The following ITIH2 variants were observed in gnomAD, a reference collection of about 807,000 sequenced individuals.
ITIH2 encodes the protein inter-alpha-trypsin inhibitor heavy chain 2.
In ITIH2, 103 loss-of-function variants were observed where a neutral mutation model predicts 104.4. The observed-to-expected ratio is 0.99, with a 90% confidence interval of 0.84 to 1.16. The LOEUF (loss-of-function observed/expected upper bound fraction) is 1.16, where lower values mean the gene tolerates loss of function less well. Ranked by LOEUF, ITIH2 falls within the 50% of genes most tolerant of loss-of-function variation. ITIH2 has a pLI of 0.00. For missense variants in ITIH2, 1,108 were observed against 1,162.4 expected, an observed-to-expected ratio of 0.95 and a Z score of 0.68; for synonymous variants, 436 against 435.4, an observed-to-expected ratio of 1.00 and a Z score of -0.02.
chr10:7,718,895 T>C (rs980987151), intron 6 of ITIH2, among the ~76,000 whole-genome samples: 1 of 152,168 alleles, frequency 6.6e-6, no homozygotes, highest in Non-Finnish European at 1.5e-5. Context: ...GCCTCGGTCA[T>C]CCACTGCATT....
At chr10:7,724,293 A>G (rs950087669) in intron 9 of ITIH2, among the ~76,000 whole-genome samples, 1 of 152,148 alleles carries the variant, frequency 6.6e-6, no homozygotes, top group Non-Finnish European at 1.5e-5. Flanking sequence ...CCTGTCAGCC[A>G]GGCACAGTGG....
intron 6 of ITIH2, among the ~76,000 whole-genome samples, chr10:7,720,268 T>C (rs55917371): frequency 0.41 from 62,512 of 152,046 alleles, 14,734 homozygotes; most frequent in Non-Finnish European, 0.53. Context: ...CAAACTGCAT[T>C]TGTACTCCTT....
intron 4 of ITIH2, among the ~76,000 whole-genome samples, chr10:7,712,395 G>A (rs548346082): frequency 1.3e-5 from 2 of 152,154 alleles, no homozygotes; most frequent in Admixed American, 6.5e-5. Context: ...AGGAAGTAAG[G>A]TTCAACATGC....
At chr10:7,745,151 C>G (rs1835164903) in intron 19 of ITIH2, among the ~76,000 whole-genome samples, 188 bp downstream of exon 19, 1 of 151,994 alleles carries the variant, frequency 6.6e-6, no homozygotes, top group Admixed American at 6.6e-5. Flanking sequence ...ACAAGGTTGT[C>G]CAGGGCCAGG....
chr10:7,723,681 T>C, intron 9 of ITIH2, 114 bp downstream of exon 9: 1 of 744,482 alleles, frequency 1.3e-6, no homozygotes, highest in Non-Finnish European at 2.4e-6. Context: ...GCTCAGGGAC[T>C]GTGGTTACAG....
chr10:7,722,720 G>A (rs1834915705), intron 8 of ITIH2, among the ~76,000 whole-genome samples: 1 of 152,206 alleles, frequency 6.6e-6, no homozygotes, highest in South Asian at 2.1e-4. Flanking sequence ...TTAGGTCCCA[G>A]TGGAGATGCT....
chr10:7,737,801 C>A (rs184514618), intron 15 of ITIH2, among the ~76,000 whole-genome samples: 4,787 of 8,858 alleles, frequency 0.54, 2,015 homozygotes, highest in East Asian at 0.68. Flanking sequence ...ATATAATATT[C>A]TATATTATAT....
At chr10:7,708,961 A>C in intron 3 of ITIH2, 61 bp from the exon 4 acceptor site, 1 of 1,414,150 alleles carries the variant, frequency 7.1e-7, no homozygotes, top group South Asian at 1.2e-5. Flanking sequence ...AATGCACTAC[A>C]TTTGATGAAG....
intron 6 of ITIH2, among the ~76,000 whole-genome samples, chr10:7,718,243 C>T (rs1230929839): frequency 2.6e-5 from 4 of 152,146 alleles, no homozygotes; most frequent in South Asian, 2.1e-4. Flanking sequence ...TCTCCTCCTC[C>T]GAGCATCTTA....
Position 7,723,582 on chromosome 10 carries a change from G to A in ITIH2, c.984+15G>A, listed in dbSNP as rs190454152. 1.5e-5 allele frequency: 21 copies of A among 1,444,536 alleles called. No individual in the cohort carries two copies. The highest frequency in any genetic ancestry group is 1.9e-5 in the Non-Finnish European group (19 of 1,025,614). 89.5% of individuals were successfully genotyped at this position (1,444,536 alleles called of 1,614,324 possible). On this transcript the variant is annotated intron_variant, in intron 9 of 20. Coordinates refer to ENST00000358415, the MANE Select transcript of ITIH2 (RefSeq NM_002216.3). ...AAATGAAACAAGTAAGTACCCCCTT[G>A]TTTGCAGTGGTTGGGGGGATTCCCT...
chr10:7,747,943 C>T (rs941308576), intron 20 of ITIH2, among the ~76,000 whole-genome samples: 3 of 151,384 alleles, frequency 2.0e-5, no homozygotes, highest in African/African-American at 7.3e-5. Flanking sequence ...CAGTGGCTCA[C>T]GCCTGTAATC....
At chr10:7,734,397 T>TA (rs778893072) in intron 14 of ITIH2, among the ~76,000 whole-genome samples, 24 of 152,282 alleles carry the variant, frequency 1.6e-4, no homozygotes, top group African/African-American at 1.7e-4. Context: ...TATAAAGTTT[T>TA]AAAAAAATGC....
intron 4 of ITIH2, among the ~76,000 whole-genome samples, chr10:7,711,229 G>A (rs1834794828): frequency 6.6e-6 from 1 of 152,124 alleles, no homozygotes; most frequent in Admixed American, 6.5e-5. Flanking sequence ...TGAGGAAGAT[G>A]GCTTACAGCT....
intron 4 of ITIH2, among the ~76,000 whole-genome samples, chr10:7,709,877 G>A (rs913116755): frequency 1.3e-5 from 2 of 151,522 alleles, no homozygotes; most frequent in Non-Finnish European, 2.9e-5. Context: ...TTTTTGAGAT[G>A]GAGTCTCGCT....
At chr10:7,734,116 T>C (rs1007099500) in intron 14 of ITIH2, among the ~76,000 whole-genome samples, 1 of 152,142 alleles carries the variant, frequency 6.6e-6, no homozygotes, top group Non-Finnish European at 1.5e-5. Flanking sequence ...AAATACCCTA[T>C]ATGATACTCC....
At chr10:7,715,981 G>A (rs1834845788) in intron 5 of ITIH2, among the ~76,000 whole-genome samples, 1 of 151,916 alleles carries the variant, frequency 6.6e-6, no homozygotes, top group Admixed American at 6.6e-5. Flanking sequence ...TCCTGCCTCA[G>A]CCTCCGGAGC....
intron 9 of ITIH2, among the ~76,000 whole-genome samples, chr10:7,724,545 G>A (rs1313018948): frequency 8.4e-6 from 1 of 119,656 alleles, no homozygotes; most frequent in Non-Finnish European, 1.6e-5. Flanking sequence ...ACTCCAGCCT[G>A]GGCAACAAGA....
chr10:7,707,302 G>A, intron 3 of ITIH2, 69 bp downstream of exon 3: 1 of 1,163,916 alleles, frequency 8.6e-7, no homozygotes, highest in Non-Finnish European at 1.3e-6. Flanking sequence ...AATCAATCTG[G>A]GTGTCTCTTT....
intron 16 of ITIH2, 59 bp from the exon 17 acceptor site, chr10:7,743,087 T>C: frequency 1.2e-6 from 1 of 810,646 alleles, no homozygotes; most frequent in Non-Finnish European, 2.1e-6. Flanking sequence ...AATGACATAG[T>C]GCTCAAAATC....
Sources: allele counts gnomAD v4.1 joint callset (sites outside exome capture counted in the v4.1 genomes callset), GRCh38; gene constraint gnomAD v4.1.1; transcripts MANE v1.5; gene names NCBI Gene and HGNC (gene_info 2026-07-23, HGNC 2026-07-21).